The following SAMD3 variants were observed in gnomAD, a reference collection of about 807,000 sequenced individuals.
The protein encoded by SAMD3 is sterile alpha motif domain-containing protein 3.
A neutral mutation model predicts 58.5 loss-of-function variants in SAMD3; 63 were observed. The observed-to-expected ratio is 1.08, with a 90% CI of 0.88 to 1.33. The LOEUF is 1.33. Among genes scored for constraint, SAMD3 ranks in the 40% most tolerant of loss-of-function variants. The pLI is 0.00. For missense variants in SAMD3, 604 were observed against 608.4 expected, an observed-to-expected ratio of 0.99 and a Z score of 0.08; for synonymous variants, 220 against 210.3, an observed-to-expected ratio of 1.05 and a Z score of -0.40.
At chr6:130,252,533 C>T (rs1047991782) in intron 2 of SAMD3, among the ~76,000 whole-genome samples, 2 of 152,170 alleles carry the variant, frequency 1.3e-5, no homozygotes, top group African/African-American at 4.8e-5. Flanking sequence ...AGGCAAATCA[C>T]TTGGCCAAAT....
intron 2 of SAMD3, among the ~76,000 whole-genome samples, chr6:130,241,848 A>G (rs963202212): frequency 2.0e-5 from 3 of 151,952 alleles, no homozygotes; most frequent in African/African-American, 7.3e-5. Context: ...AAGAGGGCAT[A>G]CCTGGGAAAA....
intron 1 of SAMD3, among the ~76,000 whole-genome samples, chr6:130,338,745 T>A (rs1169175131): frequency 6.6e-6 from 1 of 152,200 alleles, no homozygotes; most frequent in African/African-American, 2.4e-5. Context: ...CCCCTTTATT[T>A]TGGGCAATTT....
intron 2 of SAMD3, among the ~76,000 whole-genome samples, chr6:130,311,015 TG>T (rs1776134938): frequency 6.6e-6 from 1 of 152,144 alleles, no homozygotes; most frequent in African/African-American, 2.4e-5. Flanking sequence ...AGGTGTACCT[TG>T]GATGTATGGC....
chr6:130,318,416 TA>T lies in SAMD3; in HGVS notation c.-303-5324del, dbSNP rs200658209. On this transcript the variant is annotated intron_variant, in intron 1 of 13. Coordinates refer to the SAMD3 transcript ENST00000368134. ...AAATTTTACAATGTTTGACATCTAA[TA>T]AAAAAATTTTTTTTTTAATTTTTTA... 4.5e-3 allele frequency among the ~76,000 whole-genome samples: 685 copies of T among 152,192 alleles called. 6 individuals carry two copies. Among genetic ancestry groups the T allele is most frequent in the African/African-American group, 0.015 (634 of 41,514 alleles).
chr6:130,172,657 C>G (rs1791355300), intron 8 of SAMD3, among the ~76,000 whole-genome samples: 1 of 152,120 alleles, frequency 6.6e-6, no homozygotes, highest in Non-Finnish European at 1.5e-5. Context: ...TTCGTTTCAA[C>G]CCTGGTGAGT....
At chr6:130,190,803 C>T (rs532566388) in intron 5 of SAMD3, among the ~76,000 whole-genome samples, 21 of 152,122 alleles carry the variant, frequency 1.4e-4, no homozygotes, top group Admixed American at 5.9e-4. Context: ...TTAATCATGT[C>T]GGTCAGTGGA....
At chr6:130,278,364 C>T (rs1190464289) in intron 2 of SAMD3, among the ~76,000 whole-genome samples, 1 of 152,228 alleles carries the variant, frequency 6.6e-6, no homozygotes, top group African/African-American at 2.4e-5. Context: ...CAGCCTCCTG[C>T]ATAGCCAGCT....
At chr6:130,203,065 G>A (rs1215159423) in intron 5 of SAMD3, among the ~76,000 whole-genome samples, 1 of 152,200 alleles carries the variant, frequency 6.6e-6, no homozygotes, top group East Asian at 1.9e-4. Context: ...GAGGCCTGAA[G>A]CATATGCTCC....
intron 5 of SAMD3, among the ~76,000 whole-genome samples, chr6:130,187,950 A>ACT (rs2114724333): frequency 6.6e-6 from 1 of 152,352 alleles, no homozygotes; most frequent in Non-Finnish European, 1.5e-5. Flanking sequence ...CCCCCGGCTA[A>ACT]CTGAATCAGA....
intron 2 of SAMD3, among the ~76,000 whole-genome samples, chr6:130,247,212 G>A (rs113565528): frequency 0.02 from 2,968 of 152,028 alleles, 93 homozygotes; most frequent in African/African-American, 0.067. Context: ...GCTCACGCCC[G>A]TAATCCCAAC....
chr6:130,216,162 T>C lies in SAMD3; in HGVS notation c.-22+409A>G, dbSNP rs1003229616. On this transcript the variant is annotated intron_variant, in intron 2 of 11. Coordinates refer to ENST00000439090, the MANE Select transcript of SAMD3 (RefSeq NM_001017373.4). The stretch of plus-strand genomic sequence containing the variant: ...TGTATGCCACTTGTCTGCAACCACT[T>C]AGAAAACTTAAAACTATTTCCCTAA... 1.1e-4 allele frequency among the ~76,000 whole-genome samples: 17 copies of C among 151,304 alleles called. No individual in the cohort carries two copies. In the Admixed American group the frequency reaches 1.1e-3, roughly 10 times the overall value.
At chr6:130,244,547 C>T (rs1196204161) in intron 2 of SAMD3, among the ~76,000 whole-genome samples, 1 of 152,018 alleles carries the variant, frequency 6.6e-6, no homozygotes, top group Non-Finnish European at 1.5e-5. Flanking sequence ...CGAGATCAGC[C>T]TGACCAACAT....
At chr6:130,365,729 T>C (rs1359660004), upstream of SAMD3, 1 of 985,304 alleles carries the variant, frequency 1.0e-6, no homozygotes, top group East Asian at 1.1e-4. Flanking sequence ...GCGGGTACTT[T>C]GTTCCCAAAG....
intron 2 of SAMD3, among the ~76,000 whole-genome samples, chr6:130,242,956 C>T (rs1024224013): frequency 6.6e-6 from 1 of 152,138 alleles, no homozygotes; most frequent in African/African-American, 2.4e-5. Context: ...TCCTTCATTG[C>T]CTGGGGTATC....
chr6:130,147,105 CAG>C (rs1788707902), intron 9 of SAMD3, among the ~76,000 whole-genome samples: 1 of 152,190 alleles, frequency 6.6e-6, no homozygotes, highest in Non-Finnish European at 1.5e-5. Flanking sequence ...TCTTCCCCCT[CAG>C]AGGATTCCAC....
chr6:130,311,980 C>G (rs1450376056), intron 2 of SAMD3, among the ~76,000 whole-genome samples: 1 of 152,028 alleles, frequency 6.6e-6, no homozygotes. Context: ...CTTTGCTTCT[C>G]CCCCGCCCCC....
intron 1 of SAMD3, among the ~76,000 whole-genome samples, chr6:130,218,813 C>T (rs72984544): frequency 1.3e-5 from 2 of 151,890 alleles, no homozygotes; most frequent in Non-Finnish European, 2.9e-5. Flanking sequence ...GTAAAAAAAA[C>T]CAGAAAAAAA....
intron 1 of SAMD3, among the ~76,000 whole-genome samples, chr6:130,316,224 G>A (rs1374388268): frequency 6.6e-6 from 1 of 150,668 alleles, no homozygotes; most frequent in African/African-American, 2.5e-5. Flanking sequence ...CTGGGAGGCG[G>A]AGGTTGCAGT....
At chr6:130,193,728 G>T (rs914525220) in intron 5 of SAMD3, among the ~76,000 whole-genome samples, 1 of 152,090 alleles carries the variant, frequency 6.6e-6, no homozygotes, top group East Asian at 1.9e-4. Context: ...ATACAAACTC[G>T]ACAGTAGTTC....
Sources: gnomAD v4.1 joint callset for allele counts (sites outside exome capture counted in the v4.1 genomes callset) on GRCh38, gnomAD v4.1.1 for gene constraint, MANE v1.5 for transcripts, NCBI Gene and HGNC (gene_info 2026-07-23, HGNC 2026-07-21) for gene names.